AFF3: variants seen among roughly 807,000 people sequenced by gnomAD.
AFF3 encodes AF4/FMR2 family member 3.
A neutral mutation model predicts 129.7 loss-of-function variants in AFF3; 32 were observed. That is an observed-to-expected ratio of 0.25 (90% CI 0.19 to 0.33). The LOEUF (loss-of-function observed/expected upper bound fraction) is 0.33, where lower values mean the gene tolerates loss of function less well. Ranked by LOEUF, AFF3 falls within the 10% of genes least tolerant of loss-of-function variation. The pLI, the probability that AFF3 is intolerant of heterozygous loss-of-function variation, is 1.00. For missense variants in AFF3, 1,373 were observed against 1,592.0 expected, an observed-to-expected ratio of 0.86 and a Z score of 2.34; for synonymous variants, 644 against 635.4, an observed-to-expected ratio of 1.01 and a Z score of -0.20.
At chr2:99,912,441 AAC>A (rs1226404784) in intron 7 of AFF3, among the ~76,000 whole-genome samples, 1 of 152,204 alleles carries the variant, frequency 6.6e-6, no homozygotes, top group African/African-American at 2.4e-5. Context: ...TCAAATTTAC[AAC>A]TATGCTGTAT....
intron 7 of AFF3, among the ~76,000 whole-genome samples, chr2:99,890,338 T>C (rs566791663): frequency 1.3e-5 from 2 of 152,364 alleles, no homozygotes; most frequent in African/African-American, 4.8e-5. Flanking sequence ...TGGGTTCTCA[T>C]GCCTAGCTCT....
At chr2:100,056,843 C>G (rs921810541) in intron 4 of AFF3, among the ~76,000 whole-genome samples, 1 of 152,150 alleles carries the variant, frequency 6.6e-6, no homozygotes, top group Non-Finnish European at 1.5e-5. Flanking sequence ...CTCAGGCACT[C>G]TGGTATATAC....
chr2:99,650,415 T>C (rs982739865), intron 12 of AFF3, among the ~76,000 whole-genome samples: 41 of 151,866 alleles, frequency 2.7e-4, no homozygotes, highest in African/African-American at 9.4e-4. Flanking sequence ...AAAAATTAGC[T>C]GGGTGTGGTG....
Position 99,582,918 on chromosome 2 carries a change from G to A in AFF3, c.2673C>T (p.Tyr891=), listed in dbSNP as rs1677716315. ...SPLSDASKHK[Y]TSEDLTSSSR... ...TGGAAGAAGTTAAGTCCTCGCTGGT[G>A]TATTTGTGTTTAGATGCATCAGAGA... Residue 891 remains tyrosine, a synonymous_variant, in exon 17 of 25, where the codon TAC becomes TAT. Coordinates refer to ENST00000672756, the MANE Select transcript of AFF3 (RefSeq NM_001386135.1). 6.2e-7 allele frequency: 1 copy of A among 1,614,158 alleles called. No individual in the cohort carries two copies. The highest frequency in any genetic ancestry group is 8.5e-7 in the Non-Finnish European group (1 of 1,180,014).
At chr2:99,716,884 A>C (rs1474584313) in intron 11 of AFF3, among the ~76,000 whole-genome samples, 6 of 44,428 alleles carry the variant, frequency 1.4e-4, no homozygotes, top group African/African-American at 8.3e-4. Context: ...CTCCGTCTCA[A>C]AAAAAAAATA....
At chr2:99,668,315 G>C (rs144621386) in intron 12 of AFF3, among the ~76,000 whole-genome samples, 1,634 of 151,956 alleles carry the variant, frequency 0.011, 30 homozygotes, top group African/African-American at 0.037. Flanking sequence ...GGGATTACAC[G>C]TGCACACCAC....
chr2:99,696,674 T>C (rs1341404578), intron 11 of AFF3, among the ~76,000 whole-genome samples: 1 of 152,024 alleles, frequency 6.6e-6, no homozygotes, highest in East Asian at 1.9e-4. Context: ...TTTTCTTCTT[T>C]GAGTCAGGCT....
intron 7 of AFF3, among the ~76,000 whole-genome samples, chr2:99,950,263 CTT>C (rs1210996620): frequency 2.0e-5 from 3 of 152,170 alleles, no homozygotes; most frequent in African/African-American, 7.2e-5. Flanking sequence ...TTTCTATACT[CTT>C]TTCCTTAGCC....
chr2:99,906,562 T>TA (rs956272958), intron 7 of AFF3, among the ~76,000 whole-genome samples: 7 of 151,864 alleles, frequency 4.6e-5, no homozygotes, highest in African/African-American at 7.2e-5. Context: ...ATAACAATAA[T>TA]AAAAAAAAGT....
At chr2:99,949,818 C>T (rs980053212) in intron 7 of AFF3, among the ~76,000 whole-genome samples, 19 of 152,172 alleles carry the variant, frequency 1.2e-4, no homozygotes, top group African/African-American at 2.7e-4. Flanking sequence ...TGACCAGTAG[C>T]GGTCCGTGGC....
intron 7 of AFF3, among the ~76,000 whole-genome samples, chr2:99,903,154 G>A (rs930454033): frequency 6.6e-6 from 1 of 152,084 alleles, no homozygotes; most frequent in African/African-American, 2.4e-5. Flanking sequence ...ATTCTTAGAT[G>A]CTACCAGTAT....
chr2:99,548,097 G>C lies in AFF3; in HGVS notation c.*3377C>G, dbSNP rs1189145643. ...TGTGTAGAGTAGTATCATCAAAAAT[G>C]CCAAATTTTGATCAGGAATATACCT... On this transcript the variant is annotated 3_prime_UTR_variant, in exon 25 of 25. Coordinates refer to ENST00000672756, the MANE Select transcript of AFF3 (RefSeq NM_001386135.1). 1 of 205,082 alleles carries C rather than the reference G, an allele frequency of 4.9e-6. No individual in the cohort carries two copies. Among genetic ancestry groups the C allele is most frequent in the East Asian group, 7.5e-5 (1 of 13,348 alleles). 12.7% of individuals were successfully genotyped at this position (205,082 alleles called of 1,614,324 possible). A position where few individuals can be genotyped will look rare whatever the true frequency, so the allele number is the denominator to read the frequency against.
At chr2:99,963,741 T>C (rs1433410783) in intron 7 of AFF3, among the ~76,000 whole-genome samples, 1 of 149,178 alleles carries the variant, frequency 6.7e-6, no homozygotes, top group Non-Finnish European at 1.5e-5. Flanking sequence ...GAATGAGGAG[T>C]CAGAAAAACA....
Position 99,871,164 on chromosome 2 carries a change from T to C in AFF3, c.874-33640A>G, listed in dbSNP as rs148407353. Among the ~76,000 whole-genome samples, 42 of 152,284 alleles carry C rather than the reference T, an allele frequency of 2.8e-4. No individual in the cohort carries two copies. In the East Asian group the frequency reaches 7.5e-3, roughly 27 times the overall value. Reference sequence around the variant, plus strand: ...TATGTGTACAGGCATATATGAAACATAAATGAATTTCATGTATAGACTCAG... The same window carrying C: ...TATGTGTACAGGCATATATGAAACACAAATGAATTTCATGTATAGACTCAG... On this transcript the variant is annotated intron_variant, in intron 7 of 24. Transcript: ENST00000672756.
At chr2:99,898,700 C>T (rs530119183) in intron 7 of AFF3, among the ~76,000 whole-genome samples, 1 of 152,318 alleles carries the variant, frequency 6.6e-6, no homozygotes, top group African/African-American at 2.4e-5. Flanking sequence ...GAAGCCCATT[C>T]CCCAGGAAGC....
rs79323739 is a variant in AFF3, at chr2:99,591,773, G to A, written c.2466+1422C>T. Among the ~76,000 whole-genome samples, 63 of 152,280 alleles carry A rather than the reference G, an allele frequency of 4.1e-4. No individual in the cohort carries two copies. In the East Asian group the frequency reaches 7.5e-3, roughly 18 times the overall value. ...CCTCAGACTGATTTCTTATTGTGACGCTCTGAAGCCAGACAGCCTGGGTTA... is the reference window on the plus strand; with the variant it reads ...CCTCAGACTGATTTCTTATTGTGACACTCTGAAGCCAGACAGCCTGGGTTA... On this transcript the variant is annotated intron_variant, in intron 15 of 24. Coordinates refer to ENST00000672756, the MANE Select transcript of AFF3 (RefSeq NM_001386135.1).
At position 99,837,536 on chromosome 2, in the gene AFF3, GA is replaced by G. The variant is rs754129199; in HGVS notation, c.874-13del. The G allele has an allele frequency of 4.1e-4, 659 of 1,605,292 alleles. No homozygotes were observed. Among genetic ancestry groups the G allele is most frequent in the Non-Finnish European group, 4.8e-4 (567 of 1,174,860 alleles). On this transcript the variant is annotated splice_polypyrimidine_tract_variant and intron_variant, in intron 7 of 24. Transcript: ENST00000672756. ...CCAGATCTACTCTCCTGAAAGCAAA[GA>G]AAAAAAAATTAAGCCTGATGGAATA...
intron 13 of AFF3, among the ~76,000 whole-genome samples, chr2:99,633,054 G>A (rs766915392): frequency 2.6e-5 from 4 of 151,836 alleles, no homozygotes; most frequent in South Asian, 2.1e-4. Context: ...CTAGAGACAC[G>A]GGCTATTTGG....
intron 10 of AFF3, among the ~76,000 whole-genome samples, chr2:99,741,681 G>A (rs1356368445): frequency 1.3e-5 from 2 of 151,934 alleles, no homozygotes; most frequent in Non-Finnish European, 2.9e-5. Context: ...TCCCCATCAA[G>A]CTACCAATGA....
Sources: gnomAD v4.1 joint callset for allele counts (sites outside exome capture counted in the v4.1 genomes callset) on GRCh38, gnomAD v4.1.1 for gene constraint, MANE v1.5 for transcripts, NCBI Gene and HGNC (gene_info 2026-07-23, HGNC 2026-07-21) for gene names.